Variants in ICE2 observed in about 807,000 individuals in gnomAD.
ICE2 encodes the protein interactor of little elongation complex ELL subunit 2.
Under a neutral mutation model 105.4 loss-of-function variants are expected in ICE2, and 87 were observed. That is an observed-to-expected ratio of 0.83 (90% CI 0.69 to 0.99). The LOEUF is 0.99. Ranked by LOEUF, ICE2 falls within the 50% of genes least tolerant of loss-of-function variation. ICE2 has a pLI of 0.00. For missense variants in ICE2, 1,323 were observed against 1,146.7 expected (o/e 1.15, Z -2.22); for synonymous variants, 399 against 392.0 (o/e 1.02, Z -0.21).
rs1566987441 is a variant in ICE2 at position 60,449,697 on chromosome 15, TG to T, written c.1269del (p.Thr424GlnfsTer5). 6.2e-7 allele frequency: 1 copy of T among 1,614,150 alleles called. No homozygotes were observed. The highest frequency in any genetic ancestry group is 8.5e-7 in the Non-Finnish European group (1 of 1,180,032). ...VSKSPSPASTSTVPNMTDAPT... is the reference protein window; with the variant it reads ...VSKSPSPASTXTVPNMTDAPT... ...GGAGCATCTGTCATGTTAGGTACTG[TG>T]GAAGTACTTGCTGGACTTGGTGATT... On this transcript the variant is annotated frameshift_variant, in exon 10 of 16. Coordinates refer to ENST00000261520, the MANE Select transcript of ICE2 (RefSeq NM_024611.6). LOFTEE classifies it high-confidence loss of function.
intron 11 of ICE2, 158 bp downstream of exon 11, chr15:60,447,812 G>A (rs957046103): frequency 3.9e-5 from 22 of 566,648 alleles, no homozygotes; most frequent in Non-Finnish European, 5.8e-5. Flanking sequence ...TATTAAAATC[G>A]ATCTCAGCAT....
Position 60,476,124 on chromosome 15 carries a change from C to A in ICE2, c.85G>T (p.Glu29Ter). 1.9e-6 allele frequency: 3 copies of A among 1,607,672 alleles called. No individual in the cohort carries two copies. Among genetic ancestry groups the A allele is most frequent in the Non-Finnish European group, 2.5e-6 (3 of 1,177,846 alleles). ...GCCATGGAATGATCTTTATAATTTT[C>A]TCGAGAGAAAAATGTCTTAAGGCCA... ...KNGLKTFFSR[E>*]NYKDHSMAPS... Residue 29 changes from glutamate (E) to a stop codon, truncating the protein, a stop_gained, in exon 3 of 16, where the codon GAA becomes TAA. Coordinates refer to ENST00000261520, the MANE Select transcript of ICE2 (RefSeq NM_024611.6). LOFTEE classifies it high-confidence loss of function.
At chr15:60,464,927 C>T (rs2064380334) in intron 5 of ICE2, among the ~76,000 whole-genome samples, 1 of 152,114 alleles carries the variant, frequency 6.6e-6, no homozygotes, top group African/African-American at 2.4e-5. Flanking sequence ...TCACTTGAAC[C>T]CAGGAATTCA....
Position 60,455,443 on chromosome 15 carries a change from C to T in ICE2, c.667-1G>A. The T allele has an allele frequency of 6.4e-7, 1 of 1,570,270 alleles. No individual in the cohort carries two copies. Among genetic ancestry groups the T allele is most frequent in the Non-Finnish European group, 8.7e-7 (1 of 1,151,952 alleles). ...CTGTTTTCACATATTTTACACTGCC[C>T]TAAATATGAAAAAAAAATCATTTTA... is the stretch of plus-strand genomic sequence containing the variant. On this transcript the variant is annotated splice_acceptor_variant, in intron 6 of 15. Transcript: ENST00000261520. LOFTEE classifies it high-confidence loss of function.
At chr15:60,473,263 TGTGA>T (rs996985178) in intron 3 of ICE2, among the ~76,000 whole-genome samples, 16 of 152,102 alleles carry the variant, frequency 1.1e-4, no homozygotes, top group Admixed American at 3.3e-4. Context: ...TGTGTGTGTG[TGTGA>T]GTGAGTGAGT....
At chr15:60,434,520 TACACACACACACAC>T (rs71122858) in intron 13 of ICE2, among the ~76,000 whole-genome samples, 59 of 144,930 alleles carry the variant, frequency 4.1e-4, no homozygotes, top group Middle Eastern at 7.2e-3. Context: ...AAAATGTGAT[TACACACACACACAC>T]ACACACACAC....
At chr15:60,440,217 G>C (rs190975423) in intron 12 of ICE2, 2 of 152,326 alleles carry the variant, frequency 1.3e-5, no homozygotes, top group East Asian at 3.9e-4. Flanking sequence ...GGACTGAAGA[G>C]CCAGCAGTGA....
chr15:60,467,571 G>A (rs2064465876), intron 4 of ICE2, among the ~76,000 whole-genome samples: 1 of 152,126 alleles, frequency 6.6e-6, no homozygotes, highest in Non-Finnish European at 1.5e-5. Flanking sequence ...TCATACAACA[G>A]AGGTACAAAC....
rs571367172 is a variant in ICE2 at position 60,466,444 on chromosome 15, T to C, written c.528+150A>G. On this transcript the variant is annotated intron_variant, in intron 5 of 15. Coordinates refer to ENST00000261520, the MANE Select transcript of ICE2 (RefSeq NM_024611.6). The stretch of plus-strand genomic sequence containing the variant: ...AATTTTGAGATGTTAGTTTTTCTAC[T>C]ATTTTAATGCATGATGAAGAAAAGA... 28 of 749,516 alleles carry C rather than the reference T, an allele frequency of 3.7e-5. No homozygotes were observed. In the African/African-American group the frequency reaches 4.8e-4, roughly 13 times the overall value. 46.4% of individuals were successfully genotyped at this position (749,516 alleles called of 1,614,324 possible). A position where few individuals can be genotyped will look rare whatever the true frequency, so the allele number is the denominator to read the frequency against.
In ICE2 at chr15:60,428,510, C is replaced by T. The variant is rs561330079; in HGVS notation, c.2739G>A (p.Leu913=). 1 of 1,614,096 alleles carries T rather than the reference C, an allele frequency of 6.2e-7. No homozygotes were observed. The highest frequency in any genetic ancestry group is 8.5e-7 in the Non-Finnish European group (1 of 1,180,000). ...SVPWVPLDPS[L]LLPYHIHHGR... ...CATGATGGATATGATATGGTAATAA[C>T]AGGCTGGGATCTAATGGGACCCAGG... The change falls in exon 15 of 16, where the codon CTG becomes CTA. Residue 913 remains leucine (L), a synonymous_variant. Coordinates refer to ENST00000261520, the MANE Select transcript of ICE2 (RefSeq NM_024611.6).
At chr15:60,474,432 T>C (rs577577412) in intron 3 of ICE2, among the ~76,000 whole-genome samples, 2 of 152,088 alleles carry the variant, frequency 1.3e-5, no homozygotes, top group African/African-American at 2.4e-5. Flanking sequence ...AAGCTAAATA[T>C]CAACAGAGGT....
rs775981618 is a variant in ICE2, at chr15:60,453,569, A to G, written c.1125+34T>C. 54 of 1,603,748 alleles carry G rather than the reference A, an allele frequency of 3.4e-5. No individual in the cohort carries two copies. In the South Asian group the frequency reaches 6.0e-4, roughly 18 times the overall value. ...ATGCTTCAAAAGGATAAACAAGTAC[A>G]TTCCCCTTAGGGGAAAAAAAAAGCA... On this transcript the variant is annotated intron_variant, in intron 9 of 15. Coordinates refer to ENST00000261520, the MANE Select transcript of ICE2 (RefSeq NM_024611.6).
At chr15:60,438,897 A>G (rs1262088414) in intron 12 of ICE2, 1 of 152,260 alleles carries the variant, frequency 6.6e-6, no homozygotes, top group African/African-American at 2.4e-5. Context: ...TCTCTTATAT[A>G]TCACAGTGTG....
At chr15:60,459,172 A>G (rs972346843) in intron 5 of ICE2, among the ~76,000 whole-genome samples, 5 of 152,220 alleles carry the variant, frequency 3.3e-5, no homozygotes, top group African/African-American at 1.2e-4. Flanking sequence ...AGAATTCTCC[A>G]GAACTAATGG....
chr15:60,468,802 C>T (rs2064501230), intron 3 of ICE2, among the ~76,000 whole-genome samples: 1 of 152,204 alleles, frequency 6.6e-6, no homozygotes, highest in African/African-American at 2.4e-5. Flanking sequence ...CTGATTTCCT[C>T]TGCTTATCTC....
At chr15:60,448,491 A>G (rs780430332) in intron 10 of ICE2, among the ~76,000 whole-genome samples, 14 of 152,234 alleles carry the variant, frequency 9.2e-5, no homozygotes, top group Non-Finnish European at 1.2e-4. Context: ...ACAAAACCAA[A>G]AAGTATAAAA....
At chr15:60,468,885 A>G (rs1466646306) in intron 3 of ICE2, among the ~76,000 whole-genome samples, 9 of 152,212 alleles carry the variant, frequency 5.9e-5, no homozygotes, top group Non-Finnish European at 1.5e-5. Flanking sequence ...AAGTTGTACA[A>G]TCCTCTATCA....
intron 4 of ICE2, 147 bp downstream of exon 4, chr15:60,467,914 A>ACC: frequency 1.5e-6 from 1 of 680,528 alleles, no homozygotes; most frequent in East Asian, 3.0e-5. Flanking sequence ...CCAACAAAAG[A>ACC]ATTAAAGCAC....
chr15:60,476,652 G>C (rs1396723619), intron 2 of ICE2, among the ~76,000 whole-genome samples: 1 of 152,156 alleles, frequency 6.6e-6, no homozygotes, highest in Admixed American at 6.5e-5. Flanking sequence ...TGGCAAATGG[G>C]ATAACTGGTT....
Sources: gnomAD v4.1 joint callset for allele counts (sites outside exome capture counted in the v4.1 genomes callset) on GRCh38, gnomAD v4.1.1 for gene constraint, MANE v1.5 for transcripts, NCBI Gene and HGNC (gene_info 2026-07-23, HGNC 2026-07-21) for gene names.